The following ZFAT variants were observed in gnomAD, a reference collection of about 807,000 sequenced individuals.
ZFAT encodes zinc finger protein ZFAT.
ZFAT carries 64 observed loss-of-function variants against 117.7 expected under a neutral mutation model. The observed-to-expected ratio is 0.54, with a 90% confidence interval of 0.44 to 0.67. The LOEUF is 0.67. Ranked by LOEUF, ZFAT falls within the 30% of genes least tolerant of loss-of-function variation. ZFAT has a pLI of 0.00. For synonymous variants in ZFAT, 679 were observed against 615.0 expected (o/e 1.10, Z -1.54); for missense variants, 1,433 against 1,584.5 (o/e 0.90, Z 1.62).
chr8:134,767,602 T>G, the ZFAT span, among the ~76,000 whole-genome samples: 2 of 152,148 alleles, frequency 1.3e-5, no homozygotes, highest in Admixed American at 1.3e-4. Context: ...TTTGGGAGGC[T>G]GAGGTGGGAG....
At chr8:134,556,903 T>C (rs1823667545) in intron 11 of ZFAT, among the ~76,000 whole-genome samples, 1 of 152,076 alleles carries the variant, frequency 6.6e-6, no homozygotes, top group South Asian at 2.1e-4. Context: ...TTTACCCTTT[T>C]AAAAATATTT....
At chr8:134,620,696 C>G (rs549511997) in intron 3 of ZFAT, among the ~76,000 whole-genome samples, 6 of 152,236 alleles carry the variant, frequency 3.9e-5, no homozygotes, top group Non-Finnish European at 5.9e-5. Flanking sequence ...AGACCCCCAG[C>G]TGAAATCCAA....
In ZFAT at chr8:134,532,978, G is replaced by A. The variant is rs369006837; in HGVS notation, c.2977-6C>T. On this transcript the variant is annotated splice_region_variant and splice_polypyrimidine_tract_variant and intron_variant, in intron 11 of 15. Transcript: ENST00000377838. Reference sequence around the variant, plus strand: ...CAATGGGCACAGCGGAAAGGCTGCGGGGACAATGAGGAGGGGTTAGGAAAG... The same window carrying A: ...CAATGGGCACAGCGGAAAGGCTGCGAGGACAATGAGGAGGGGTTAGGAAAG... The A allele has an allele frequency of 4.4e-6, 7 of 1,596,314 alleles. No homozygotes were observed. The African/African-American group carries it at 8.0e-5, about 18-fold the overall frequency.
intron 15 of ZFAT, among the ~76,000 whole-genome samples, chr8:134,508,068 C>A (rs994157032): frequency 6.6e-6 from 1 of 152,004 alleles, no homozygotes; most frequent in Admixed American, 6.6e-5. Flanking sequence ...CTGAAGCATC[C>A]CCCTGCCTAC....
chr8:134,727,586 T>C, the ZFAT span, among the ~76,000 whole-genome samples: 1 of 152,192 alleles, frequency 6.6e-6, no homozygotes, highest in Non-Finnish European at 1.5e-5. Context: ...GTACCACCTA[T>C]TTTACACGTC....
chr8:134,630,204 C>A (rs1167774457), intron 3 of ZFAT, among the ~76,000 whole-genome samples: 1 of 152,298 alleles, frequency 6.6e-6, no homozygotes, highest in East Asian at 1.9e-4. Flanking sequence ...ACAAGTACGC[C>A]CAAGACCAAG....
At chr8:134,742,663 C>T in the ZFAT span, among the ~76,000 whole-genome samples, 2 of 152,220 alleles carry the variant, frequency 1.3e-5, no homozygotes, top group Admixed American at 6.5e-5. Context: ...CTGAGCTCAT[C>T]GTTCTCGCAC....
At chr8:134,728,441 T>C in the ZFAT span, among the ~76,000 whole-genome samples, 1 of 152,144 alleles carries the variant, frequency 6.6e-6, no homozygotes, top group African/African-American at 2.4e-5. Context: ...GAAAGGTTCA[T>C]GTGAAGCAGA....
chr8:134,552,146 G>C (rs1197923934), intron 11 of ZFAT, among the ~76,000 whole-genome samples: 1 of 151,896 alleles, frequency 6.6e-6, no homozygotes, highest in Non-Finnish European at 1.5e-5. Flanking sequence ...TGTCTATTTG[G>C]TTCTCCCCAG....
rs548829377 is a variant in ZFAT at position 134,620,762 on chromosome 8, G to A, written c.449-10107C>T. On this transcript the variant is annotated intron_variant, in intron 3 of 15. Coordinates refer to ENST00000377838, the MANE Select transcript of ZFAT (RefSeq NM_020863.4). ...GGATAATTTACTAACACTTGTTTCA[G>A]AGAAAACCCGGTTGAGTCCCTGGGC... Among the ~76,000 whole-genome samples the A allele has an allele frequency of 3.3e-5, 5 of 152,298 alleles. No individual in the cohort carries two copies. The South Asian group carries it at 1.0e-3, about 32-fold the overall frequency.
chr8:134,757,488 G>A, the ZFAT span, among the ~76,000 whole-genome samples: 1 of 152,230 alleles, frequency 6.6e-6, no homozygotes, highest in Admixed American at 6.5e-5. Flanking sequence ...CTACTTGCTG[G>A]CCAGCTGGCA....
At chr8:134,624,453 T>C (rs1158254564) in intron 3 of ZFAT, among the ~76,000 whole-genome samples, 1 of 152,018 alleles carries the variant, frequency 6.6e-6, no homozygotes, top group Non-Finnish European at 1.5e-5. Context: ...GTCAGGAGTT[T>C]GAGACCAGCG....
chr8:134,801,487 G>A, the ZFAT span, among the ~76,000 whole-genome samples: 3 of 152,146 alleles, frequency 2.0e-5, no homozygotes, highest in South Asian at 6.2e-4. Context: ...AGGTAACCCA[G>A]GACTTTCAGG....
chr8:134,755,920 A>C, the ZFAT span, among the ~76,000 whole-genome samples: 2 of 151,980 alleles, frequency 1.3e-5, no homozygotes, highest in Admixed American at 6.5e-5. Flanking sequence ...TCCCTTATGC[A>C]GAGAGAATGC....
chr8:134,683,323 A>G (rs1010507420), intron 1 of ZFAT, among the ~76,000 whole-genome samples: 5 of 152,348 alleles, frequency 3.3e-5, no homozygotes, highest in Admixed American at 2.6e-4. Flanking sequence ...AGAATCAAAT[A>G]CAGGCCTGTA....
At chr8:134,827,732 C>T in the ZFAT span, among the ~76,000 whole-genome samples, 1 of 148,332 alleles carries the variant, frequency 6.7e-6, no homozygotes, top group African/African-American at 2.5e-5. Context: ...CGCGCCACTG[C>T]ACTCCAGCCT....
At chr8:134,700,410 A>G (rs894254402) in intron 1 of ZFAT, among the ~76,000 whole-genome samples, 3 of 152,168 alleles carry the variant, frequency 2.0e-5, no homozygotes, top group African/African-American at 4.8e-5. Context: ...GACCCTGCCA[A>G]TGGAGGTAGA....
At position 134,610,606 on chromosome 8, in the gene ZFAT, C is replaced by T; in HGVS notation, c.498G>A (p.Arg166=). 1 of 1,614,146 alleles carries T rather than the reference C, an allele frequency of 6.2e-7. No individual in the cohort carries two copies. Among genetic ancestry groups the T allele is most frequent in the Admixed American group, 1.7e-5 (1 of 60,014 alleles). ...ELEKKCKEDD[R]EKASKRPRSQ... ...ACCGTGGTCTTTTCGAGGCTTTTTC[C>T]CGATCATCTTCCTTACACTTCTTTT... The change falls in exon 4 of 16, where the codon CGG becomes CGA. Residue 166 remains arginine, a synonymous_variant. Transcript: ENST00000377838.
intron 5 of ZFAT, among the ~76,000 whole-genome samples, chr8:134,603,734 C>T (rs1199875270): frequency 6.6e-6 from 1 of 152,186 alleles, no homozygotes; most frequent in Non-Finnish European, 1.5e-5. Context: ...ACAGCGGGCA[C>T]TTAGCCAACT....
Sources: gnomAD v4.1 joint callset for allele counts (sites outside exome capture counted in the v4.1 genomes callset) on GRCh38, gnomAD v4.1.1 for gene constraint, MANE v1.5 for transcripts, NCBI Gene and HGNC (gene_info 2026-07-23, HGNC 2026-07-21) for gene names.